THBS3: variants seen among roughly 807,000 people sequenced by gnomAD.
THBS3 encodes thrombospondin 3.
THBS3 carries 78 observed loss-of-function variants against 118.3 expected under a neutral mutation model. That is an observed-to-expected ratio of 0.66 (90% CI 0.55 to 0.80). The LOEUF (loss-of-function observed/expected upper bound fraction) is 0.80. Among genes scored for constraint, THBS3 ranks in the 30% least tolerant of loss-of-function variants. The pLI is 0.00. For synonymous variants in THBS3, 427 were observed against 475.3 expected, an observed-to-expected ratio of 0.90 and a Z score of 1.32; for missense variants, 1,057 against 1,247.4, an observed-to-expected ratio of 0.85 and a Z score of 2.30.
At chr1:155,209,158 C>A (rs1218410476), upstream of THBS3, 1 of 1,509,018 alleles carries the variant, frequency 6.6e-7, no homozygotes, top group South Asian at 1.2e-5. Context: ...GCCCCCTGAC[C>A]GCAACGATCG....
At chr1:155,200,295 A>G in intron 14 of THBS3, 156 bp downstream of exon 14, 1 of 1,046,010 alleles carries the variant, frequency 9.6e-7, no homozygotes, top group South Asian at 1.5e-5. Flanking sequence ...TCACATTCCT[A>G]TTGACATCTG....
At chr1:155,196,181 C>T (rs1251799829) in intron 21 of THBS3, 55 bp from the exon 22 acceptor site, 23 of 1,604,560 alleles carry the variant, frequency 1.4e-5, no homozygotes, top group South Asian at 2.2e-5. Context: ...CCAGTGGGCA[C>T]TGTGCCACCA....
intron 2 of THBS3, 117 bp from the exon 3 acceptor site, chr1:155,205,433 A>C: frequency 7.3e-7 from 1 of 1,372,372 alleles, no homozygotes; most frequent in African/African-American, 1.4e-5. Context: ...TAATTCTACT[A>C]TGTGGCTCTC....
chr1:155,198,273 C>T, intron 17 of THBS3, 53 bp from the exon 18 acceptor site: 3 of 1,603,620 alleles, frequency 1.9e-6, no homozygotes, highest in Non-Finnish European at 2.6e-6. Context: ...TGCCATTAGG[C>T]AACAATACCA....
intron 2 of THBS3, 43 bp from the exon 3 acceptor site, chr1:155,205,359 C>G (rs1305495643): frequency 1.9e-6 from 3 of 1,593,880 alleles, no homozygotes; most frequent in African/African-American, 2.7e-5. Context: ...TCCCCCACCC[C>G]CTGCCTCCCA....
At position 155,201,468 on chromosome 1, in the gene THBS3, G is replaced by A; in HGVS notation, c.1278C>T (p.Cys426=). The part of the protein sequence containing the change: ...RTCHSPAHSP[C]HIHAHCLFER... Reference sequence around the variant, plus strand: ...CAAAGAGACAGTGAGCATGGATGTGGCAGGGGCTGTGGGCTGGGCTGTGGC... The same window carrying A: ...CAAAGAGACAGTGAGCATGGATGTGACAGGGGCTGTGGGCTGGGCTGTGGC... Residue 426 remains cysteine, a synonymous_variant, in exon 11 of 23, where the codon TGC becomes TGT. Coordinates refer to ENST00000368378, the MANE Select transcript of THBS3 (RefSeq NM_007112.5). 6.2e-7 allele frequency: 1 copy of A among 1,613,650 alleles called. No homozygotes were observed. The highest frequency in any genetic ancestry group is 2.2e-5 in the East Asian group (1 of 44,892).
chr1:155,202,894 A>T lies in THBS3; in HGVS notation c.875T>A (p.Val292Glu). 1 of 1,613,838 alleles carries T rather than the reference A, an allele frequency of 6.2e-7. No individual in the cohort carries two copies. Among genetic ancestry groups the T allele is most frequent in the Non-Finnish European group, 8.5e-7 (1 of 1,180,030 alleles). Residue 292 changes from valine (V) to glutamate (E), a missense_variant, in exon 8 of 23, where the codon GTG becomes GAG. Physicochemically the swap from Val to Glu is moderately radical, Grantham distance 121. Transcript: ENST00000368378. This position sits in a 1 kb window ranked among gnomAD's most constrained non-coding sequence, Gnocchi z 5.5. ...ACAGCGGTAGCCTGGGTACTCGTACACTTCCATGCAGTCCACACCTCGGAA... is the reference window on the plus strand; with the variant it reads ...ACAGCGGTAGCCTGGGTACTCGTACTCTTCCATGCAGTCCACACCTCGGAA... ...PCFRGVDCME[V>E]YEYPGYRCGP...
At chr1:155,195,952 T>G (rs1425542700) in intron 22 of THBS3, 35 bp downstream of exon 22, 1 of 1,614,134 alleles carries the variant, frequency 6.2e-7, no homozygotes, top group Non-Finnish European at 8.5e-7. Context: ...CCACAAGGCA[T>G]GAAGGATTAG....
At chr1:155,207,712 C>T in intron 1 of THBS3, 86 bp downstream of exon 1, 1 of 1,406,620 alleles carries the variant, frequency 7.1e-7, no homozygotes, top group Non-Finnish European at 1.0e-6. Flanking sequence ...TCCCCTCTCC[C>T]CTTGCCCACA....
chr1:155,207,309 A>G (rs1670697104), intron 1 of THBS3, among the ~76,000 whole-genome samples: 1 of 152,102 alleles, frequency 6.6e-6, no homozygotes, highest in African/African-American at 2.4e-5. Flanking sequence ...GCCAGTAAAG[A>G]ATCTATGCCT....
chr1:155,198,160 AG>A lies in THBS3; in HGVS notation c.2134del (p.Leu712TrpfsTer10). The A allele has an allele frequency of 6.2e-7, 1 of 1,614,180 alleles. No homozygotes were observed. The highest frequency in any genetic ancestry group is 1.1e-5 in the South Asian group (1 of 91,086). ...CTCTGCACTTTCAGGACACACATCC[AG>A]GGGGTCGACCACAGCATCATTGTCA... ...DFDNDAVVDP[L>X]DVCPESAEVT... On this transcript the variant is annotated frameshift_variant, in exon 18 of 23. Coordinates refer to ENST00000368378, the MANE Select transcript of THBS3 (RefSeq NM_007112.5). LOFTEE classifies it high-confidence loss of function.
chr1:155,202,668 C>A lies in THBS3; in HGVS notation c.957+144G>T. The A allele has an allele frequency of 2.4e-6, 3 of 1,254,380 alleles. No individual in the cohort carries two copies. Among genetic ancestry groups the A allele is most frequent in the Non-Finnish European group, 2.2e-6 (2 of 914,402 alleles). 77.7% of individuals were successfully genotyped at this position (1,254,380 alleles called of 1,614,324 possible). On this transcript the variant is annotated intron_variant, in intron 8 of 22. Transcript: ENST00000368378. The surrounding 1 kb of genome is among the most constrained non-coding windows in gnomAD (Gnocchi z 5.5). ...TCTTTGCCCCAGGCCTTCTGTCTCTCCCATCTTGCATTTCTCTTGCCTCTG... is the reference window on the plus strand; with the variant it reads ...TCTTTGCCCCAGGCCTTCTGTCTCTACCATCTTGCATTTCTCTTGCCTCTG...
Position 155,202,529 on chromosome 1 carries a change from T to G in THBS3, c.958-128A>C. 6 of 1,356,420 alleles carry G rather than the reference T, an allele frequency of 4.4e-6. No homozygotes were observed. The highest frequency in any genetic ancestry group is 5.9e-6 in the Non-Finnish European group (6 of 1,010,654). The allele number at this position is 1,356,420 out of a possible 1,614,324, so 84.0% of individuals were successfully genotyped here. On this transcript the variant is annotated intron_variant, in intron 8 of 22. Transcript: ENST00000368378. This position sits in a 1 kb window ranked among gnomAD's most constrained non-coding sequence, Gnocchi z 5.5. ...CTCTCCCCACACAACTGCCTTGTGCTCCTGGTCCCCACCCCACTTCCCTCG... is the reference window on the plus strand; with the variant it reads ...CTCTCCCCACACAACTGCCTTGTGCGCCTGGTCCCCACCCCACTTCCCTCG...
upstream of THBS3, chr1:155,208,773 G>C: frequency 6.8e-7 from 1 of 1,466,532 alleles, no homozygotes; most frequent in South Asian, 1.4e-5. Context: ...GCGGCGCAGG[G>C]CCCGCTCCAA....
In THBS3 at chr1:155,200,042, C is replaced by A. The variant is rs946890698; in HGVS notation, c.1780G>T (p.Val594Leu). ...PLQTDRDEDG[V>L]GDACDSCPEM... ...GGGCAGCTGTCGCAAGCATCTCCCA[C>A]CCCGTCCTCATCCCTGTCTGTCTGT... The change falls in exon 15 of 23, where the codon GTG becomes TTG. Residue 594 changes from valine (V) to leucine (L), a missense_variant. Physicochemically the swap from Val to Leu is conservative, Grantham distance 32. Transcript: ENST00000368378. The A allele has an allele frequency of 1.9e-6, 3 of 1,604,008 alleles. No individual in the cohort carries two copies. The highest frequency in any genetic ancestry group is 2.6e-6 in the Non-Finnish European group (3 of 1,174,434).
upstream of THBS3, chr1:155,209,175 C>T: frequency 2.7e-6 from 4 of 1,486,164 alleles, no homozygotes; most frequent in Non-Finnish European, 3.6e-6. Flanking sequence ...ATCGGAGGGG[C>T]GGTGGCGGGG....
rs574827317 is a variant in THBS3 at position 155,200,206 on chromosome 1, A to G, written c.1709-93T>C. The G allele has an allele frequency of 2.0e-5, 24 of 1,213,302 alleles. 1 individual carries two copies. In the South Asian group the frequency reaches 3.1e-4, roughly 16 times the overall value. 75.2% of individuals were successfully genotyped at this position (1,213,302 alleles called of 1,614,324 possible). ...AGTCCCGAACTTTGTCTCCCCACCCAGAGGACAACTGGCCAGGAAATCTGC... is the reference window on the plus strand; with the variant it reads ...AGTCCCGAACTTTGTCTCCCCACCCGGAGGACAACTGGCCAGGAAATCTGC... On this transcript the variant is annotated intron_variant, in intron 14 of 22. Coordinates refer to ENST00000368378, the MANE Select transcript of THBS3 (RefSeq NM_007112.5).
intron 13 of THBS3, 102 bp downstream of exon 13, chr1:155,200,795 A>C: frequency 1.2e-6 from 2 of 1,603,422 alleles, no homozygotes; most frequent in Non-Finnish European, 1.7e-6. Context: ...GATTTGGAGT[A>C]TTTGGCCCTT....
In THBS3 at chr1:155,200,882, C is replaced by A. The variant is rs765830897; in HGVS notation, c.1548+15G>T. On this transcript the variant is annotated intron_variant, in intron 13 of 22. Transcript: ENST00000368378. Reference sequence around the variant, plus strand: ...GGGAGAGGAGCTTCAAGGGGCAGGGCAGTCTGGGAGTCACCTCAACATTCT... The same window carrying A: ...GGGAGAGGAGCTTCAAGGGGCAGGGAAGTCTGGGAGTCACCTCAACATTCT... 2 of 1,614,110 alleles carry A rather than the reference C, an allele frequency of 1.2e-6. No homozygotes were observed. Among genetic ancestry groups the A allele is most frequent in the East Asian group, 4.5e-5 (2 of 44,876 alleles).
Sources: allele counts gnomAD v4.1 joint callset (sites outside exome capture counted in the v4.1 genomes callset), GRCh38; gene constraint gnomAD v4.1.1; non-coding constraint Gnocchi (gnomAD v3.1); transcripts MANE v1.5; gene names NCBI Gene and HGNC (gene_info 2026-07-23, HGNC 2026-07-21).